Variants in GIGYF2 observed in about 807,000 individuals in gnomAD.
GIGYF2 encodes GRB10-interacting GYF protein 2.
GIGYF2 carries 25 observed loss-of-function variants against 208.1 expected under a neutral mutation model. That is an observed-to-expected ratio of 0.12 (90% CI 0.09 to 0.17). GIGYF2 has a LOEUF of 0.17. GIGYF2 is among the 10% of genes least tolerant of loss of function. The pLI, the probability that GIGYF2 is intolerant of heterozygous loss-of-function variation, is 1.00. For synonymous variants in GIGYF2, 534 were observed against 543.8 expected, an observed-to-expected ratio of 0.98 and a Z score of 0.25; for missense variants, 1,302 against 1,579.4, an observed-to-expected ratio of 0.82 and a Z score of 2.98.
intron 20 of GIGYF2, among the ~76,000 whole-genome samples, chr2:232,817,743 TTTA>T (rs1405421809): frequency 6.6e-6 from 1 of 152,232 alleles, no homozygotes; most frequent in Non-Finnish European, 1.5e-5. Context: ...CCATTGTGTG[TTTA>T]TCCATTCCTA....
intron 23 of GIGYF2, among the ~76,000 whole-genome samples, chr2:232,840,792 G>A (rs1701791932): frequency 6.6e-6 from 1 of 152,184 alleles, no homozygotes; most frequent in African/African-American, 2.4e-5. Flanking sequence ...TAGGTAGTGT[G>A]TTCTGAGAAG....
rs1333266088 is a variant in GIGYF2 at position 232,857,283 on chromosome 2, G to C, written c.*423G>C. 2 of 282,340 alleles carry C rather than the reference G, an allele frequency of 7.1e-6. No homozygotes were observed. Among genetic ancestry groups the C allele is most frequent in the Non-Finnish European group, 1.4e-5 (2 of 144,982 alleles). 17.5% of individuals were successfully genotyped at this position (282,340 alleles called of 1,614,324 possible). ...CCCATCAGGGCAAATGGTCTAACTG[G>C]TGCAATCATGAAGAGAGTTAATGGT... On this transcript the variant is annotated 3_prime_UTR_variant, in exon 29 of 29. Coordinates refer to ENST00000373563, the MANE Select transcript of GIGYF2 (RefSeq NM_001103146.3).
chr2:232,828,327 A>G (rs949801826), intron 21 of GIGYF2, among the ~76,000 whole-genome samples: 41 of 152,020 alleles, frequency 2.7e-4, no homozygotes, highest in Non-Finnish European at 5.7e-4. Flanking sequence ...TGTTGTAGTC[A>G]GAGAACACAA....
chr2:232,762,821 G>T (rs1249514656), intron 8 of GIGYF2, among the ~76,000 whole-genome samples: 1 of 152,086 alleles, frequency 6.6e-6, no homozygotes, highest in African/African-American at 2.4e-5. Context: ...AGGCAGGACA[G>T]CCTGGGAGAC....
chr2:232,710,860 C>T (rs930126689), intron 2 of GIGYF2, among the ~76,000 whole-genome samples: 1 of 151,734 alleles, frequency 6.6e-6, no homozygotes, highest in Non-Finnish European at 1.5e-5. Flanking sequence ...TTACCATGTC[C>T]GGCTAACTTT....
chr2:232,737,140 T>G (rs1697765921), intron 3 of GIGYF2, among the ~76,000 whole-genome samples: 1 of 152,220 alleles, frequency 6.6e-6, no homozygotes, highest in Admixed American at 6.5e-5. Flanking sequence ...GCCTAAACAT[T>G]AATTCTCTGG....
Position 232,787,319 on chromosome 2 carries a change from T to C in GIGYF2, c.702T>C (p.Pro234=). The C allele has an allele frequency of 1.2e-6, 2 of 1,613,750 alleles. No individual in the cohort carries two copies. Among genetic ancestry groups the C allele is most frequent in the Non-Finnish European group, 1.7e-6 (2 of 1,179,738 alleles). Reference sequence around the variant, plus strand: ...GGAGGGATGGAGAGAGGTGGCGACCTCACAGTCCTGGTAAGAATTCTGTTG... The same window carrying C: ...GGAGGGATGGAGAGAGGTGGCGACCCCACAGTCCTGGTAAGAATTCTGTTG... ...GSRRDGERWR[P]HSPDGPRSAG... The change falls in exon 9 of 29, where the codon CCT becomes CCC. Residue 234 remains proline, a synonymous_variant. Coordinates refer to ENST00000373563, the MANE Select transcript of GIGYF2 (RefSeq NM_001103146.3).
chr2:232,795,807 A>C (rs1012345991), intron 13 of GIGYF2, among the ~76,000 whole-genome samples: 8 of 152,168 alleles, frequency 5.3e-5, no homozygotes, highest in Admixed American at 1.3e-4. Context: ...TGTTTGTTTT[A>C]ATCTTAGTTG....
chr2:232,818,330 T>C (rs1313676955), intron 20 of GIGYF2, among the ~76,000 whole-genome samples: 1 of 152,224 alleles, frequency 6.6e-6, no homozygotes, highest in Non-Finnish European at 1.5e-5. Flanking sequence ...TTCCACAATA[T>C]AGCTGAGCAG....
intron 2 of GIGYF2, among the ~76,000 whole-genome samples, chr2:232,704,868 T>TTA (rs1696017558): frequency 7.0e-6 from 1 of 141,900 alleles, no homozygotes; most frequent in African/African-American, 2.6e-5. Context: ...TTTTTTTTTT[T>TTA]TTTTTTTTTG....
At position 232,832,981 on chromosome 2, in the gene GIGYF2, A is replaced by G. The variant is rs1178838740; in HGVS notation, c.2654A>G (p.Lys885Arg). ...LRHEEEERKR[K>R]ELEVQRQKEL... is the part of the protein sequence containing the mutation. Reference sequence around the variant, plus strand: ...CATGAGGAAGAAGAACGGAAGAGAAAGGAGCTGGAGGTCCAGCGGCAGAAG... The same window carrying G: ...CATGAGGAAGAAGAACGGAAGAGAAGGGAGCTGGAGGTCCAGCGGCAGAAG... Residue 885 changes from lysine (K) to arginine (R), a missense_variant, in exon 22 of 29, where the codon AAG becomes AGG. By Grantham distance (26) the Lys-to-Arg change is conservative. Coordinates refer to ENST00000373563, the MANE Select transcript of GIGYF2 (RefSeq NM_001103146.3). 3 of 1,575,604 alleles carry G rather than the reference A, an allele frequency of 1.9e-6. No individual in the cohort carries two copies. Among genetic ancestry groups the G allele is most frequent in the Admixed American group, 3.7e-5 (2 of 54,348 alleles).
intron 2 of GIGYF2, among the ~76,000 whole-genome samples, chr2:232,709,568 T>C (rs112673634): frequency 0.024 from 3,717 of 152,148 alleles, 163 homozygotes; most frequent in African/African-American, 0.084. Flanking sequence ...CCCCACACTT[T>C]AGGAGGCTGA....
chr2:232,708,900 T>C (rs1447349467), intron 2 of GIGYF2, among the ~76,000 whole-genome samples: 2 of 151,902 alleles, frequency 1.3e-5, no homozygotes, highest in African/African-American at 4.8e-5. Flanking sequence ...GGTGGGTGGA[T>C]CACCTGAGGT....
chr2:232,738,925 G>A (rs1360023384), intron 3 of GIGYF2, among the ~76,000 whole-genome samples: 1 of 152,156 alleles, frequency 6.6e-6, no homozygotes, highest in Non-Finnish European at 1.5e-5. Flanking sequence ...AAAACACTAA[G>A]CACCGTCTTG....
chr2:232,716,499 C>A (rs1696688831), intron 2 of GIGYF2, among the ~76,000 whole-genome samples: 1 of 150,434 alleles, frequency 6.6e-6, no homozygotes, highest in African/African-American at 2.4e-5. Flanking sequence ...ATGCCTCAGT[C>A]ATCCCTACTA....
chr2:232,830,576 G>A (rs1441161078), intron 21 of GIGYF2, among the ~76,000 whole-genome samples: 1 of 152,102 alleles, frequency 6.6e-6, no homozygotes, highest in Non-Finnish European at 1.5e-5. Context: ...TGGTACATTT[G>A]TTACAACTAA....
intron 2 of GIGYF2, among the ~76,000 whole-genome samples, chr2:232,714,183 C>G (rs1289996578): frequency 6.6e-6 from 1 of 152,096 alleles, no homozygotes; most frequent in African/African-American, 2.4e-5. Flanking sequence ...GATCTCCTGA[C>G]CTCGTGATCC....
At chr2:232,765,782 C>CT (rs1365115710) in intron 8 of GIGYF2, 156 of 353,010 alleles carry the variant, frequency 4.4e-4, no homozygotes, top group Non-Finnish European at 1.1e-5. Flanking sequence ...GTTATAGACT[C>CT]TTCTGGTACT....
At position 232,816,995 on chromosome 2, in the gene GIGYF2, A is replaced by G. The variant is rs1700935244; in HGVS notation, c.2333A>G (p.Lys778Arg). The G allele has an allele frequency of 6.2e-7, 1 of 1,613,824 alleles. No individual in the cohort carries two copies. Among genetic ancestry groups the G allele is most frequent in the Non-Finnish European group, 8.5e-7 (1 of 1,179,736 alleles). Residue 778 changes from lysine to arginine, a missense_variant, in exon 20 of 29, where the codon AAA becomes AGA. Physicochemically the swap from Lys to Arg is conservative, Grantham distance 26. Transcript: ENST00000373563. ...CGGCGACAGCAGGAAGAAGAAAGGA[A>G]AAGGCGAGAGGAAGAAGAACTTGCC... ...ILRRQQEEER[K>R]RREEEELARR...
Sources: gnomAD v4.1 joint callset for allele counts (sites outside exome capture counted in the v4.1 genomes callset) on GRCh38, gnomAD v4.1.1 for gene constraint, MANE v1.5 for transcripts, NCBI Gene and HGNC (gene_info 2026-07-23, HGNC 2026-07-21) for gene names.